The following LIPT1 variants were observed in gnomAD, a reference collection of about 807,000 sequenced individuals.
LIPT1 encodes the protein lipoyltransferase 1, also known as lipoyl amidotransferase LIPT1, mitochondrial.
A neutral mutation model predicts 25.1 loss-of-function variants in LIPT1; 22 were observed. The ratio of observed to expected loss-of-function variants is 0.88; its 90% CI spans 0.63 to 1.25. The LOEUF is 1.25. LIPT1 is among the 50% of genes most tolerant of loss of function. LIPT1 has a pLI of 0.00. For synonymous variants in LIPT1, 131 were observed against 150.8 expected (o/e 0.87, Z 0.96); for missense variants, 399 against 432.8 (o/e 0.92, Z 0.69).
At chr2:99,161,922 G>T in intron 1 of LIPT1, 35 bp from the exon 2 acceptor site, 1 of 1,497,630 alleles carries the variant, frequency 6.7e-7, no homozygotes, top group South Asian at 1.3e-5. Context: ...TCCTTTTCTC[G>T]ATGAATTAAT....
Position 99,162,796 on chromosome 2 carries a change from G to A in LIPT1, c.839G>A (p.Ser280Asn). Residue 280 changes from serine (S) to asparagine (N), a missense_variant, in exon 2 of 2, where the codon AGT becomes AAT. Transcript: ENST00000651691. ...ATATATGGCAAAACTCCAAAGTTTAGTATAAATACTTCCTTTCATGTGTTA... is the reference window on the plus strand; with the variant it reads ...ATATATGGCAAAACTCCAAAGTTTAATATAAATACTTCCTTTCATGTGTTA... Reference protein sequence around the residue: ...EWIYGKTPKFSINTSFHVLYE... With the variant: ...EWIYGKTPKFNINTSFHVLYE... The A allele has an allele frequency of 6.2e-7, 1 of 1,614,138 alleles. No homozygotes were observed. Among genetic ancestry groups the A allele is most frequent in the Non-Finnish European group, 8.5e-7 (1 of 1,179,982 alleles).
chr2:99,155,151 A>G (rs901212707), intron 1 of LIPT1, 100 bp downstream of exon 1: 3 of 433,530 alleles, frequency 6.9e-6, no homozygotes, highest in African/African-American at 6.1e-5. Context: ...GCGGTGGGTC[A>G]GGACTTGCGG....
rs1337006934 is a variant in LIPT1, at chr2:99,162,261, G to A, written c.304G>A (p.Gly102Arg). 3.1e-6 allele frequency: 5 copies of A among 1,613,232 alleles called. No homozygotes were observed. The highest frequency in any genetic ancestry group is 3.4e-6 in the Non-Finnish European group (4 of 1,179,930). ...EGIKLARRRS[G>R]GGTVYHDMGN... is the part of the protein sequence containing the mutation. Reference sequence around the variant, plus strand: ...TATAAAACTGGCTCGGAGAAGAAGTGGAGGAGGAACAGTCTACCATGATAT... The same window carrying A: ...TATAAAACTGGCTCGGAGAAGAAGTAGAGGAGGAACAGTCTACCATGATAT... Residue 102 changes from glycine (G) to arginine (R), a missense_variant, in exon 2 of 2, where the codon GGA (glycine) becomes AGA (arginine). Coordinates refer to ENST00000651691, the MANE Select transcript of LIPT1 (RefSeq NM_145199.3).
In LIPT1 at chr2:99,162,272, A is replaced by G. The variant is rs3791211; in HGVS notation, c.315A>G (p.Thr105=). The G allele has an allele frequency of 0.031, 50,293 of 1,612,940 alleles. 2,410 individuals are homozygous for G. The highest frequency in any genetic ancestry group is 0.22 in the East Asian group (9,964 of 44,872). The part of the protein sequence containing the change: ...KLARRRSGGG[T]VYHDMGNINL... ...CTCGGAGAAGAAGTGGAGGAGGAACAGTCTACCATGATATGGGTAATATCA... is the reference window on the plus strand; with the variant it reads ...CTCGGAGAAGAAGTGGAGGAGGAACGGTCTACCATGATATGGGTAATATCA... Residue 105 remains threonine (T), a synonymous_variant, in exon 2 of 2, where the codon ACA becomes ACG. Transcript: ENST00000651691.
Position 99,163,135 on chromosome 2 carries a change from G to C in LIPT1, c.*56G>C, listed in dbSNP as rs2093810312. On this transcript the variant is annotated 3_prime_UTR_variant, in exon 2 of 2. Transcript: ENST00000651691. ...TTAGAAAATAAAATGTCTCATACTT[G>C]CACATTGTATGTCAAAAAAAAACCT... The C allele has an allele frequency of 8.3e-7, 1 of 1,201,754 alleles. No homozygotes were observed. Among genetic ancestry groups the C allele is most frequent in the Non-Finnish European group, 1.1e-6 (1 of 894,492 alleles). The allele number at this position is 1,201,754 out of a possible 1,614,324, so 74.4% of individuals were successfully genotyped here. A position where few individuals can be genotyped will look rare whatever the true frequency, so the allele number is the denominator to read the frequency against.
At chr2:99,157,068 C>T (rs1306890500) in intron 1 of LIPT1, among the ~76,000 whole-genome samples, 1 of 152,204 alleles carries the variant, frequency 6.6e-6, no homozygotes, top group Non-Finnish European at 1.5e-5. Flanking sequence ...GCCACTGAAG[C>T]AGCTAGAGGT....
intron 1 of LIPT1, chr2:99,161,289 AAAATATATATATATAT>A: frequency 4.7e-5 from 1 of 21,212 alleles, no homozygotes; most frequent in Non-Finnish European, 8.6e-5. Flanking sequence ...AAAAAAAAAA[AAAATATATATATATAT>A]ATATATATAT....
chr2:99,155,845 T>TC (rs2093746417), intron 1 of LIPT1, among the ~76,000 whole-genome samples: 2 of 152,164 alleles, frequency 1.3e-5, no homozygotes, highest in South Asian at 4.1e-4. Context: ...GGAAGTGTCT[T>TC]CCCCAGAGCC....
At chr2:99,158,111 A>G (rs1356149180) in intron 1 of LIPT1, among the ~76,000 whole-genome samples, 1 of 152,220 alleles carries the variant, frequency 6.6e-6, no homozygotes, top group Non-Finnish European at 1.5e-5. Flanking sequence ...AATCTGAGAC[A>G]TAGAAAAGTA....
Position 99,162,250 on chromosome 2 carries a change from G to A in LIPT1, c.293G>A (p.Arg98Gln), listed in dbSNP as rs374470630. 3.7e-5 allele frequency: 60 copies of A among 1,613,316 alleles called. No homozygotes were observed. Among genetic ancestry groups the A allele is most frequent in the Non-Finnish European group, 4.1e-5 (48 of 1,179,978 alleles). Residue 98 changes from arginine to glutamine, a missense_variant, in exon 2 of 2, where the codon CGG (arginine) becomes CAG (glutamine). Arg to Gln is a conservative substitution (Grantham distance 43). Transcript: ENST00000651691. The part of the protein sequence containing the change: ...LMREEGIKLA[R>Q]RRSGGGTVYH... Reference sequence around the variant, plus strand: ...AGAGAAGAAGGTATAAAACTGGCTCGGAGAAGAAGTGGAGGAGGAACAGTC... The same window carrying A: ...AGAGAAGAAGGTATAAAACTGGCTCAGAGAAGAAGTGGAGGAGGAACAGTC...
At position 99,162,458 on chromosome 2, in the gene LIPT1, TA is replaced by T. The variant is rs773135373; in HGVS notation, c.503del (p.Lys168ArgfsTer26). The T allele has an allele frequency of 5.6e-6, 9 of 1,614,094 alleles. No homozygotes were observed. Among genetic ancestry groups the T allele is most frequent in the Non-Finnish European group, 7.6e-6 (9 of 1,180,048 alleles). ...GQFKISGTASKIGRTTAYHHC... is the reference protein window; with the variant it reads ...GQFKISGTASXIGRTTAYHHC... The stretch of plus-strand genomic sequence containing the variant: ...AGTTTAAAATCTCAGGAACAGCTTC[TA>T]AGATCGGCCGGACTACTGCCTATCA... On this transcript the variant is annotated frameshift_variant, in exon 2 of 2. Transcript: ENST00000651691. LOFTEE classifies it high-confidence loss of function.
At position 99,162,250 on chromosome 2, in the gene LIPT1, G is replaced by C. The variant is rs374470630; in HGVS notation, c.293G>C (p.Arg98Pro). Residue 98 changes from arginine (R) to proline (P), a missense_variant, in exon 2 of 2, where the codon CGG becomes CCG. By Grantham distance (103) the Arg-to-Pro change is moderately radical. Coordinates refer to ENST00000651691, the MANE Select transcript of LIPT1 (RefSeq NM_145199.3). Reference protein sequence around the residue: ...LMREEGIKLARRRSGGGTVYH... With the variant: ...LMREEGIKLAPRRSGGGTVYH... ...AGAGAAGAAGGTATAAAACTGGCTC[G>C]GAGAAGAAGTGGAGGAGGAACAGTC... The C allele has an allele frequency of 6.2e-7, 1 of 1,613,434 alleles. No homozygotes were observed. Among genetic ancestry groups the C allele is most frequent in the South Asian group, 1.1e-5 (1 of 91,082 alleles).
chr2:99,162,307 T>C lies in LIPT1; in HGVS notation c.350T>C (p.Phe117Ser). Reference sequence around the variant, plus strand: ...GATATGGGTAATATCAATTTGACTTTCTTTACAACCAAAAAAAAGTATGAT... The same window carrying C: ...GATATGGGTAATATCAATTTGACTTCCTTTACAACCAAAAAAAAGTATGAT... ...YHDMGNINLTFFTTKKKYDRM... is the reference protein window; with the variant it reads ...YHDMGNINLTSFTTKKKYDRM... Residue 117 changes from phenylalanine (F) to serine (S), a missense_variant, in exon 2 of 2, where the codon TTC becomes TCC. Coordinates refer to ENST00000651691, the MANE Select transcript of LIPT1 (RefSeq NM_145199.3). The C allele has an allele frequency of 1.9e-6, 3 of 1,613,174 alleles. No individual in the cohort carries two copies. The highest frequency in any genetic ancestry group is 2.5e-6 in the Non-Finnish European group (3 of 1,179,984).
chr2:99,162,942 T>A lies in LIPT1; in HGVS notation c.985T>A (p.Ser329Thr). 2.5e-6 allele frequency: 4 copies of A among 1,613,952 alleles called. No individual in the cohort carries two copies. Among genetic ancestry groups the A allele is most frequent in the Non-Finnish European group, 3.4e-6 (4 of 1,179,956 alleles). ...ATTGGAAATACGTGACAAATTAAAT[T>A]CAAGTCTTATTGGCAGTAAGTTTTG... ...LPLEIRDKLN[S>T]SLIGSKFCPT... Residue 329 changes from serine (S) to threonine (T), a missense_variant, in exon 2 of 2, where the codon TCA (serine) becomes ACA (threonine). Ser to Thr is a moderately conservative substitution (Grantham distance 58). Transcript: ENST00000651691.
Position 99,162,855 on chromosome 2 carries a change from A to G in LIPT1, c.898A>G (p.Ile300Val), listed in dbSNP as rs775064510. 9.9e-6 allele frequency: 16 copies of G among 1,613,182 alleles called. No homozygotes were observed. The African/African-American group carries it at 2.0e-4, about 20-fold the overall frequency. ...GTCACACTTGGAAATTAAAGTATTC[A>G]TAGACATAAAGAATGGAAGAATTGA... Reference protein sequence around the residue: ...EQSHLEIKVFIDIKNGRIEIC... With the variant: ...EQSHLEIKVFVDIKNGRIEIC... Residue 300 changes from isoleucine (I) to valine (V), a missense_variant, in exon 2 of 2, where the codon ATA becomes GTA. By Grantham distance (29) the Ile-to-Val change is conservative. Transcript: ENST00000651691.
In LIPT1 at chr2:99,162,527, T is replaced by C; in HGVS notation, c.570T>C (p.Ser190=). The C allele has an allele frequency of 1.2e-6, 2 of 1,614,108 alleles. No homozygotes were observed. The highest frequency in any genetic ancestry group is 1.7e-6 in the Non-Finnish European group (2 of 1,179,936). The stretch of plus-strand genomic sequence containing the variant: ...GTAGTACTGATGGGACGTTCTTGTC[T>C]TCTTTGCTAAAGAGCCCTTACCAAG... The part of the protein sequence containing the change: ...LLCSTDGTFL[S]SLLKSPYQGI... The change falls in exon 2 of 2, where the codon TCT becomes TCC. Residue 190 remains serine (S), a synonymous_variant. Coordinates refer to ENST00000651691, the MANE Select transcript of LIPT1 (RefSeq NM_145199.3).
In LIPT1 at chr2:99,162,814, A is replaced by C; in HGVS notation, c.857A>C (p.His286Pro). 1 of 1,614,150 alleles carries C rather than the reference A, an allele frequency of 6.2e-7. No homozygotes were observed. Among genetic ancestry groups the C allele is most frequent in the Non-Finnish European group, 8.5e-7 (1 of 1,179,992 alleles). ...AAGTTTAGTATAAATACTTCCTTTC[A>C]TGTGTTATATGAACAGTCACACTTG... ...TPKFSINTSF[H>P]VLYEQSHLEI... The change falls in exon 2 of 2, where the codon CAT becomes CCT. Residue 286 changes from histidine (H) to proline (P), a missense_variant. Physicochemically the swap from His to Pro is moderately conservative, Grantham distance 77. Transcript: ENST00000651691.
In LIPT1 at chr2:99,154,996, A is replaced by G. The variant is rs189062551; in HGVS notation, c.-57A>G. The G allele has an allele frequency of 8.8e-6, 4 of 455,870 alleles. No individual in the cohort carries two copies. The highest frequency in any genetic ancestry group is 7.0e-5 in the Admixed American group (3 of 42,568). 28.2% of individuals were successfully genotyped at this position (455,870 alleles called of 1,614,324 possible). ...CCTGCCGGTTGCTCGGGGTCGTATG[A>G]CGCACTTTTCCAGCTCGAGCCCTCA... On this transcript the variant is annotated 5_prime_UTR_variant, in exon 1 of 2. Transcript: ENST00000651691.
chr2:99,163,124 G>T lies in LIPT1; in HGVS notation c.*45G>T. ...TACAGTTTCAATTAGAAAATAAAAT[G>T]TCTCATACTTGCACATTGTATGTCA... On this transcript the variant is annotated 3_prime_UTR_variant, in exon 2 of 2. Transcript: ENST00000651691. The T allele has an allele frequency of 7.8e-7, 1 of 1,281,306 alleles. No individual in the cohort carries two copies. 79.4% of individuals were successfully genotyped at this position (1,281,306 alleles called of 1,614,324 possible).
Sources: allele counts gnomAD v4.1 joint callset (sites outside exome capture counted in the v4.1 genomes callset), GRCh38; gene constraint gnomAD v4.1.1; transcripts MANE v1.5; gene names NCBI Gene and HGNC (gene_info 2026-07-23, HGNC 2026-07-21).